SMARCAD1: variants seen among roughly 807,000 people sequenced by gnomAD.
The protein encoded by SMARCAD1 is SWI/SNF-related matrix-associated actin-dependent regulator of chromatin subfamily A containing DEAD/H box 1.
SMARCAD1 carries 25 observed loss-of-function variants against 127.1 expected under a neutral mutation model. The ratio of observed to expected loss-of-function variants is 0.20; its 90% CI spans 0.14 to 0.27. SMARCAD1 has a LOEUF of 0.27. Among genes scored for constraint, SMARCAD1 ranks in the 10% least tolerant of loss-of-function variants. The pLI is 1.00. For missense variants in SMARCAD1, 807 were observed against 1,206.0 expected (o/e 0.67, Z 4.90); for synonymous variants, 400 against 396.9 (o/e 1.01, Z -0.09).
At chr4:94,210,750 A>G (rs571874430) in intron 2 of SMARCAD1, among the ~76,000 whole-genome samples, 30 of 151,944 alleles carry the variant, frequency 2.0e-4, no homozygotes, top group African/African-American at 6.3e-4. Context: ...CCTGGCCAAC[A>G]TAGTGAAACC....
chr4:94,226,045 C>A, intron 2 of SMARCAD1, 74 bp from the exon 3 acceptor site: 1 of 1,207,410 alleles, frequency 8.3e-7, no homozygotes, highest in Non-Finnish European at 1.2e-6. Flanking sequence ...GAGATTTTAG[C>A]ACATGATTAT....
chr4:94,207,851 G>A (rs757236219), upstream of SMARCAD1: 15 of 336,958 alleles, frequency 4.5e-5, no homozygotes, highest in Admixed American at 1.6e-4. Context: ...CTTCCTCTCA[G>A]CTGGGATCGC....
intron 2 of SMARCAD1, among the ~76,000 whole-genome samples, chr4:94,209,998 T>G (rs1741938417): frequency 6.6e-6 from 1 of 152,224 alleles, no homozygotes; most frequent in Non-Finnish European, 1.5e-5. Context: ...AAATCTGTGA[T>G]CCACACTTTT....
chr4:94,263,612 C>G (rs1579265771), intron 9 of SMARCAD1, among the ~76,000 whole-genome samples: 1 of 152,010 alleles, frequency 6.6e-6, no homozygotes, highest in East Asian at 1.9e-4. Flanking sequence ...CTTAGTATAT[C>G]CAAAAAGCAC....
chr4:94,252,542 A>C (rs1272395263), intron 8 of SMARCAD1, 74 bp from the exon 9 acceptor site: 1 of 1,070,472 alleles, frequency 9.3e-7, no homozygotes, highest in Non-Finnish European at 1.3e-6. Flanking sequence ...TAAATGTTTT[A>C]AGTTTTTATT....
intron 2 of SMARCAD1, among the ~76,000 whole-genome samples, chr4:94,221,281 GA>G (rs1392597251): frequency 6.6e-6 from 1 of 152,138 alleles, no homozygotes; most frequent in Admixed American, 6.5e-5. Context: ...ATTACTCAGT[GA>G]ACTAGTATTT....
At chr4:94,269,892 CGAACTCCT>C in intron 10 of SMARCAD1, among the ~76,000 whole-genome samples, 1 of 151,924 alleles carries the variant, frequency 6.6e-6, no homozygotes, top group African/African-American at 2.4e-5. Flanking sequence ...AGGCTGGTCG[CGAACTCCT>C]GAGCTCAAGC....
At chr4:94,257,327 T>C (rs1750258607) in intron 9 of SMARCAD1, among the ~76,000 whole-genome samples, 1 of 152,178 alleles carries the variant, frequency 6.6e-6, no homozygotes, top group African/African-American at 2.4e-5. Flanking sequence ...TTTAAGGTGT[T>C]TTGAGCATCA....
intron 2 of SMARCAD1, among the ~76,000 whole-genome samples, chr4:94,208,986 C>T (rs1741732333): frequency 2.0e-5 from 3 of 152,154 alleles, no homozygotes; most frequent in Admixed American, 1.3e-4. Context: ...AGACATTGAG[C>T]AAGGTGCCTA....
At chr4:94,257,153 T>C (rs1579233049) in intron 9 of SMARCAD1, among the ~76,000 whole-genome samples, 1 of 152,220 alleles carries the variant, frequency 6.6e-6, no homozygotes, top group South Asian at 2.1e-4. Flanking sequence ...TGAGTTTTTT[T>C]CATGTAATTA....
chr4:94,256,297 G>A (rs1461163203), intron 9 of SMARCAD1, among the ~76,000 whole-genome samples: 1 of 152,052 alleles, frequency 6.6e-6, no homozygotes, highest in African/African-American at 2.4e-5. Flanking sequence ...TTTAGTCCAT[G>A]TCACACACTG....
rs116710489 is a variant in SMARCAD1, at chr4:94,280,545, T to A, written c.2419-47T>A. On this transcript the variant is annotated intron_variant, in intron 19 of 23. Transcript: ENST00000354268. ...TTATTAAACTTTTCTCATCATATTATTAATTATTTTTATTTTGAAGTATAC... is the reference window on the plus strand; with the variant it reads ...TTATTAAACTTTTCTCATCATATTAATAATTATTTTTATTTTGAAGTATAC... 2.4e-3 allele frequency: 3,579 copies of A among 1,496,756 alleles called. 66 individuals are homozygous for A. In the African/African-American group the frequency reaches 0.043, roughly 18 times the overall value. The allele number at this position is 1,496,756 out of a possible 1,614,324, so 92.7% of individuals were successfully genotyped here.
At chr4:94,211,762 TG>T (rs1349751759) in intron 2 of SMARCAD1, among the ~76,000 whole-genome samples, 1 of 152,218 alleles carries the variant, frequency 6.6e-6, no homozygotes, top group African/African-American at 2.4e-5. Flanking sequence ...CTTTTTTGCC[TG>T]GAAGACTCTT....
intron 2 of SMARCAD1, among the ~76,000 whole-genome samples, chr4:94,212,497 A>T (rs1308376395): frequency 6.9e-6 from 1 of 145,434 alleles, no homozygotes; most frequent in Admixed American, 6.9e-5. Context: ...ATTTATTATT[A>T]TTTTTTTGAG....
At chr4:94,218,216 C>T (rs187204773) in intron 2 of SMARCAD1, among the ~76,000 whole-genome samples, 1 of 152,060 alleles carries the variant, frequency 6.6e-6, no homozygotes, top group East Asian at 1.9e-4. Context: ...TTAGGTTTAA[C>T]GCTTTTGCCT....
chr4:94,269,990 T>G (rs1207039929), intron 10 of SMARCAD1, among the ~76,000 whole-genome samples: 1 of 152,028 alleles, frequency 6.6e-6, no homozygotes, highest in East Asian at 1.9e-4. Context: ...CTCTGCCATA[T>G]TACTTTCCAA....
At chr4:94,237,730 G>T (rs1746908202) in intron 5 of SMARCAD1, among the ~76,000 whole-genome samples, 1 of 151,948 alleles carries the variant, frequency 6.6e-6, no homozygotes. Flanking sequence ...GTCATGGATA[G>T]CTTCACATTC....
chr4:94,220,444 C>T (rs957245486), intron 2 of SMARCAD1, among the ~76,000 whole-genome samples: 8 of 152,064 alleles, frequency 5.3e-5, no homozygotes, highest in Non-Finnish European at 8.8e-5. Flanking sequence ...CACAGGGTTT[C>T]ACCACATTAG....
chr4:94,267,182 C>T (rs1294220602), intron 10 of SMARCAD1, among the ~76,000 whole-genome samples: 1 of 152,140 alleles, frequency 6.6e-6, no homozygotes, highest in Non-Finnish European at 1.5e-5. Context: ...TCATCCTGAA[C>T]TTGACAGCAT....
Sources: gnomAD v4.1 joint callset for allele counts (sites outside exome capture counted in the v4.1 genomes callset) on GRCh38, gnomAD v4.1.1 for gene constraint, MANE v1.5 for transcripts, NCBI Gene and HGNC (gene_info 2026-07-23, HGNC 2026-07-21) for gene names.